ABCA13: variants seen among roughly 807,000 people sequenced by gnomAD.
The protein encoded by ABCA13 is ATP-binding cassette sub-family A member 13.
Under a neutral mutation model 478.7 loss-of-function variants are expected in ABCA13, and 476 were observed. The observed-to-expected ratio is 0.99, with a 90% CI of 0.92 to 1.07. The LOEUF (loss-of-function observed/expected upper bound fraction) is 1.07. Among genes scored for constraint, ABCA13 ranks in the 50% least tolerant of loss-of-function variants. ABCA13 has a pLI of 0.00. For synonymous variants in ABCA13, 2,252 were observed against 2,158.9 expected (o/e 1.04, Z -1.20); for missense variants, 6,060 against 5,910.6 (o/e 1.03, Z -0.83).
intron 34 of ABCA13, among the ~76,000 whole-genome samples, chr7:48,375,389 T>G (rs1002282323): frequency 1.3e-5 from 2 of 152,216 alleles, no homozygotes; most frequent in African/African-American, 4.8e-5. Context: ...ACATATTTGT[T>G]GGCTCTCATC....
chr7:48,491,652 T>G (rs1357365837), intron 48 of ABCA13, among the ~76,000 whole-genome samples: 2 of 152,178 alleles, frequency 1.3e-5, no homozygotes, highest in African/African-American at 4.8e-5. Context: ...GAAAGGAAGG[T>G]TTGTGCAATA....
At chr7:48,248,501 A>ACTG in intron 14 of ABCA13, 57 bp downstream of exon 14, 1 of 1,355,008 alleles carries the variant, frequency 7.4e-7, no homozygotes, top group Non-Finnish European at 1.0e-6. Flanking sequence ...AATGATTTCA[A>ACTG]CTGCCCCTTC....
At chr7:48,512,117 AAG>A (rs1000490470) in intron 51 of ABCA13, among the ~76,000 whole-genome samples, 7 of 151,802 alleles carry the variant, frequency 4.6e-5, no homozygotes, top group Admixed American at 2.6e-4. Flanking sequence ...AAGAGACACT[AAG>A]AGAGAGAGGG....
At chr7:48,407,863 T>C (rs1818468511) in intron 39 of ABCA13, among the ~76,000 whole-genome samples, 1 of 152,112 alleles carries the variant, frequency 6.6e-6, no homozygotes. Flanking sequence ...TATTAATAGG[T>C]ATTATATGTA....
rs551696497 is a variant in ABCA13, at chr7:48,428,318, C to T, written c.12565+447C>T. Among the ~76,000 whole-genome samples the T allele has an allele frequency of 2.0e-5, 3 of 152,236 alleles. No homozygotes were observed. The South Asian group carries it at 6.2e-4, about 32-fold the overall frequency. On this transcript the variant is annotated intron_variant, in intron 42 of 61. Coordinates refer to ENST00000435803, the MANE Select transcript of ABCA13 (RefSeq NM_152701.5). ...CATGCGACCTCTGTCCCTTTGGGAC[C>T]AAATCATGGCTTCAGCTTTTGTATG...
chr7:48,314,107 C>A lies in ABCA13; in HGVS notation c.9682-125C>A, dbSNP rs996727078. 1.8e-4 allele frequency: 201 copies of A among 1,127,770 alleles called. No homozygotes were observed. In the African/African-American group the frequency reaches 2.8e-3, roughly 16 times the overall value. 69.9% of individuals were successfully genotyped at this position (1,127,770 alleles called of 1,614,324 possible). ...GACAGAAAACTCTAAAGCAGACATT[C>A]CATTCTTTTGACTTGTTGAATATCT... On this transcript the variant is annotated intron_variant, in intron 25 of 61. Coordinates refer to ENST00000435803, the MANE Select transcript of ABCA13 (RefSeq NM_152701.5).
At chr7:48,194,416 A>C (rs1265657966) in intron 2 of ABCA13, among the ~76,000 whole-genome samples, 1 of 151,902 alleles carries the variant, frequency 6.6e-6, no homozygotes, top group Non-Finnish European at 1.5e-5. Flanking sequence ...GATGGAAATG[A>C]TATTGATGGT....
chr7:48,396,629 C>T (rs765033229), intron 38 of ABCA13, among the ~76,000 whole-genome samples: 4 of 152,212 alleles, frequency 2.6e-5, no homozygotes, highest in African/African-American at 4.8e-5. Context: ...GATTCTCTAG[C>T]ACATTTCTAG....
chr7:48,281,520 G>C, intron 19 of ABCA13, 68 bp downstream of exon 19: 1 of 1,350,752 alleles, frequency 7.4e-7, no homozygotes, highest in South Asian at 1.3e-5. Context: ...AGGTGTCAGA[G>C]AGATGAGTAT....
At chr7:48,599,362 G>A (rs1446081241) in intron 58 of ABCA13, among the ~76,000 whole-genome samples, 2 of 150,708 alleles carry the variant, frequency 1.3e-5, no homozygotes, top group Admixed American at 1.3e-4. Context: ...GCCTACCAGA[G>A]GGGTTACAGT....
chr7:48,224,904 A>C (rs1298153885), intron 5 of ABCA13, among the ~76,000 whole-genome samples: 1 of 152,180 alleles, frequency 6.6e-6, no homozygotes, highest in Non-Finnish European at 1.5e-5. Context: ...TCTCCTGAAT[A>C]AGCCACCTAT....
intron 48 of ABCA13, among the ~76,000 whole-genome samples, chr7:48,500,149 A>G (rs774474680): frequency 3.9e-5 from 6 of 152,190 alleles, no homozygotes; most frequent in Non-Finnish European, 7.3e-5. Flanking sequence ...CACTTCCTCT[A>G]CAGTAGGCTC....
chr7:48,475,015 G>A (rs529794133), intron 45 of ABCA13, among the ~76,000 whole-genome samples: 65 of 152,324 alleles, frequency 4.3e-4, no homozygotes, highest in African/African-American at 1.5e-3. Flanking sequence ...GTATTAAGCA[G>A]GTATCTTTGC....
chr7:48,520,207 G>A lies in ABCA13; in HGVS notation c.13964G>A (p.Gly4655Asp), dbSNP rs755909971. Residue 4655 changes from glycine to aspartate, a missense_variant, in exon 53 of 62, where the codon GGC (glycine) becomes GAC (aspartate). Physicochemically the swap from Gly to Asp is moderately conservative, Grantham distance 94. Coordinates refer to ENST00000435803, the MANE Select transcript of ABCA13 (RefSeq NM_152701.5). ...AGTCCCTTTGAGATGAACTTTCTGGGCTGGATCTTCGTGCAACTGGCCTCG... is the reference window on the plus strand; with the variant it reads ...AGTCCCTTTGAGATGAACTTTCTGGACTGGATCTTCGTGCAACTGGCCTCG... ...YVSPFEMNFLGWIFVQLASQG... is the reference protein window; with the variant it reads ...YVSPFEMNFLDWIFVQLASQG... The A allele has an allele frequency of 3.2e-5, 51 of 1,613,498 alleles. No homozygotes were observed. Among genetic ancestry groups the A allele is most frequent in the Non-Finnish European group, 4.2e-5 (50 of 1,179,768 alleles).
chr7:48,641,136 C>T (rs1396789065), intron 59 of ABCA13, among the ~76,000 whole-genome samples: 1 of 152,070 alleles, frequency 6.6e-6, no homozygotes, highest in African/African-American at 2.4e-5. Flanking sequence ...TGGAATTTAG[C>T]ATGAATTTTT....
At chr7:48,494,270 A>G (rs1250012798) in intron 48 of ABCA13, among the ~76,000 whole-genome samples, 2 of 152,312 alleles carry the variant, frequency 1.3e-5, no homozygotes, top group East Asian at 1.9e-4. Flanking sequence ...TGATGAAATG[A>G]GAAACCTGCT....
Position 48,412,591 on chromosome 7 carries a change from G to T in ABCA13, c.12459+8G>T. On this transcript the variant is annotated splice_region_variant and intron_variant, in intron 41 of 61. Coordinates refer to ENST00000435803, the MANE Select transcript of ABCA13 (RefSeq NM_152701.5). The stretch of plus-strand genomic sequence containing the variant: ...GACACCACCTTAGAAGAGGTACTGA[G>T]AAAACTGAAGCGTGCTTTAATTATT... 6.3e-7 allele frequency: 1 copy of T among 1,588,372 alleles called. No individual in the cohort carries two copies. The highest frequency in any genetic ancestry group is 8.6e-7 in the Non-Finnish European group (1 of 1,167,332).
At chr7:48,395,782 A>G (rs1387175975) in intron 38 of ABCA13, among the ~76,000 whole-genome samples, 3 of 152,244 alleles carry the variant, frequency 2.0e-5, no homozygotes, top group South Asian at 2.1e-4. Flanking sequence ...TGTAATGCAT[A>G]TAACATACAA....
At chr7:48,415,375 G>A (rs1055600918) in intron 41 of ABCA13, among the ~76,000 whole-genome samples, 7 of 152,156 alleles carry the variant, frequency 4.6e-5, no homozygotes, top group African/African-American at 1.4e-4. Flanking sequence ...TTATGTTCAT[G>A]TCTGTCTCTC....
Sources: gnomAD v4.1 joint callset for allele counts (sites outside exome capture counted in the v4.1 genomes callset) on GRCh38, gnomAD v4.1.1 for gene constraint, MANE v1.5 for transcripts, NCBI Gene and HGNC (gene_info 2026-07-23, HGNC 2026-07-21) for gene names.